NTRK3: variants seen among roughly 807,000 people sequenced by gnomAD.
The protein encoded by NTRK3 is neurotrophic receptor tyrosine kinase 3, also known as NT-3 growth factor receptor.
NTRK3 carries 24 observed loss-of-function variants against 91.7 expected under a neutral mutation model. The observed-to-expected ratio is 0.26, with a 90% CI of 0.19 to 0.37. The LOEUF is 0.37. Ranked by LOEUF, NTRK3 falls within the 10% of genes least tolerant of loss-of-function variation. The pLI, the probability that NTRK3 is intolerant of heterozygous loss-of-function variation, is 1.00. For synonymous variants in NTRK3, 483 were observed against 404.0 expected (o/e 1.20, Z -2.34); for missense variants, 880 against 1,068.9 (o/e 0.82, Z 2.46).
At position 88,169,078 on chromosome 15, in the gene NTRK3, G is replaced by A. The variant is rs77262800; in HGVS notation, c.395+14340C>T. On this transcript the variant is annotated intron_variant, in intron 5 of 18. Transcript: ENST00000394480. ...GGCACATGGGGGTATCGAGGGAAGC[G>A]CAATGTGGCTTGAGCGGAGAGCCCT... Among the ~76,000 whole-genome samples, 1,047 of 152,308 alleles carry A rather than the reference G, an allele frequency of 6.9e-3. 15 individuals are homozygous for A. Among genetic ancestry groups the A allele is most frequent in the African/African-American group, 0.024 (993 of 41,562 alleles).
intron 13 of NTRK3, among the ~76,000 whole-genome samples, chr15:88,111,049 A>C (rs2051288125): frequency 6.6e-6 from 1 of 152,196 alleles, no homozygotes; most frequent in African/African-American, 2.4e-5. Context: ...CTGGGCAAGA[A>C]GACATGTCAA....
chr15:88,040,449 TG>T (rs1462762031), intron 13 of NTRK3, among the ~76,000 whole-genome samples: 1 of 151,660 alleles, frequency 6.6e-6, no homozygotes, highest in African/African-American at 2.4e-5. Flanking sequence ...GGGAAAGAGG[TG>T]GGTCACAAAA....
At chr15:88,010,527 G>A (rs2076804040) in intron 14 of NTRK3, among the ~76,000 whole-genome samples, 1 of 152,196 alleles carries the variant, frequency 6.6e-6, no homozygotes, top group Admixed American at 6.5e-5. Context: ...AGGATGGGAA[G>A]AATGAAACTA....
At chr15:88,092,494 T>C (rs2049112560) in intron 13 of NTRK3, among the ~76,000 whole-genome samples, 1 of 152,168 alleles carries the variant, frequency 6.6e-6, no homozygotes, top group Non-Finnish European at 1.5e-5. Flanking sequence ...GTACCCATGG[T>C]GTTGACTCTC....
intron 14 of NTRK3, among the ~76,000 whole-genome samples, chr15:88,011,713 A>G (rs2076893817): frequency 6.6e-6 from 1 of 152,154 alleles, no homozygotes; most frequent in Non-Finnish European, 1.5e-5. Flanking sequence ...ATGGGGAGAC[A>G]CTTCCCACCG....
chr15:88,171,101 C>G (rs1567575116), intron 5 of NTRK3, among the ~76,000 whole-genome samples: 1 of 152,140 alleles, frequency 6.6e-6, no homozygotes, highest in Non-Finnish European at 1.5e-5. Flanking sequence ...GACAGTTGAC[C>G]AGATCCAAAG....
Position 88,123,369 on chromosome 15 carries a change from A to G in NTRK3, c.1396+2902T>C, listed in dbSNP as rs535715499. On this transcript the variant is annotated intron_variant, in intron 13 of 18. Coordinates refer to ENST00000394480, the Ensembl canonical transcript of NTRK3. ...AAAACTGAGACTGGGGTGGATGTGA[A>G]GAGACAAGGCTTTCCCTAAGTAAAA... is the stretch of plus-strand genomic sequence containing the variant. 9.8e-5 allele frequency among the ~76,000 whole-genome samples: 15 copies of G among 152,308 alleles called. No homozygotes were observed. In the South Asian group the frequency reaches 3.1e-3, roughly 32 times the overall value.
At chr15:88,152,616 A>G (rs2043490437) in intron 5 of NTRK3, among the ~76,000 whole-genome samples, 1 of 152,226 alleles carries the variant, frequency 6.6e-6, no homozygotes, top group African/African-American at 2.4e-5. Flanking sequence ...ATGTTGTTTA[A>G]CCCACCCAGA....
chr15:88,072,093 C>T (rs1260546504), intron 13 of NTRK3, among the ~76,000 whole-genome samples: 2 of 149,160 alleles, frequency 1.3e-5, no homozygotes, highest in African/African-American at 2.5e-5. Context: ...GTAACCTCCG[C>T]CTCCCGGGTT....
intron 6 of NTRK3, among the ~76,000 whole-genome samples, chr15:88,139,758 A>G (rs2042206172): frequency 6.6e-6 from 1 of 152,122 alleles, no homozygotes; most frequent in South Asian, 2.1e-4. Flanking sequence ...GGTGTGCAAG[A>G]CAGCACAGTT....
chr15:88,119,706 G>A lies in NTRK3; in HGVS notation c.1396+6565C>T, dbSNP rs116234650. Among the ~76,000 whole-genome samples the A allele has an allele frequency of 6.0e-3, 913 of 152,310 alleles. 8 individuals carry two copies. The highest frequency in any genetic ancestry group is 0.02 in the African/African-American group (843 of 41,564). ...AAAAGAAGTCAAGAAGGAAGAAAAC[G>A]AGGAGGAGCAAAGAATGGACACATC... is the stretch of plus-strand genomic sequence containing the variant. On this transcript the variant is annotated intron_variant, in intron 13 of 18. Coordinates refer to ENST00000394480, the Ensembl canonical transcript of NTRK3.
intron 3 of NTRK3, among the ~76,000 whole-genome samples, chr15:88,245,866 A>G (rs916415115): frequency 1.1e-4 from 17 of 152,174 alleles, no homozygotes; most frequent in African/African-American, 4.1e-4. Flanking sequence ...CGTTGCCATA[A>G]ATAATTAGGG....
At chr15:88,182,897 A>G (rs2046613610) in intron 5 of NTRK3, among the ~76,000 whole-genome samples, 2 of 152,076 alleles carry the variant, frequency 1.3e-5, no homozygotes, top group South Asian at 2.1e-4. Flanking sequence ...GCTTGTCCCA[A>G]ACAAAGCTGT....
chr15:87,860,566 C>G (rs981154564), exon 19 of NTRK3: 4 of 202,182 alleles, frequency 2.0e-5, no homozygotes, highest in Non-Finnish European at 3.0e-5. Context: ...ATGCAGTCAT[C>G]ATTTTAACGA....
intron 13 of NTRK3, among the ~76,000 whole-genome samples, chr15:88,088,005 C>A (rs955233981): frequency 2.0e-5 from 3 of 152,168 alleles, no homozygotes; most frequent in Non-Finnish European, 4.4e-5. Flanking sequence ...GAGCCAAGAT[C>A]ACGCCACTCC....
intron 13 of NTRK3, among the ~76,000 whole-genome samples, chr15:88,087,719 G>A (rs547290227): frequency 6.6e-6 from 1 of 152,306 alleles, no homozygotes; most frequent in Non-Finnish European, 1.5e-5. Context: ...GATTTCACTG[G>A]CATATGCAAC....
intron 13 of NTRK3, among the ~76,000 whole-genome samples, chr15:88,046,297 G>T (rs7170275): frequency 0.44 from 66,306 of 152,000 alleles, 15,727 homozygotes; most frequent in African/African-American, 0.64. Flanking sequence ...TTCCAGACTG[G>T]CCTTTCCTGC....
At chr15:87,944,724 T>C (rs558176383) in intron 14 of NTRK3, among the ~76,000 whole-genome samples, 195 of 152,254 alleles carry the variant, frequency 1.3e-3, no homozygotes, top group African/African-American at 4.5e-3. Context: ...GACAGCATCT[T>C]CCCAAGGGCG....
In NTRK3 at chr15:88,250,921, G is replaced by A. The variant is rs139023815; in HGVS notation, c.248+4985C>T. On this transcript the variant is annotated intron_variant, in intron 3 of 18. Transcript: ENST00000394480. ...AAAATAATTTGCAATAGAAGTTCCA[G>A]TGTTTTCTTCTCACACCCAGTGGAG... Among the ~76,000 whole-genome samples the A allele has an allele frequency of 4.2e-4, 64 of 152,336 alleles. No individual in the cohort carries two copies. The East Asian group carries it at 0.012, about 28-fold the overall frequency.
Sources: allele counts gnomAD v4.1 joint callset (sites outside exome capture counted in the v4.1 genomes callset), GRCh38; gene constraint gnomAD v4.1.1; transcripts MANE v1.5; gene names NCBI Gene and HGNC (gene_info 2026-07-23, HGNC 2026-07-21).